NALCN: variants seen among roughly 807,000 people sequenced by gnomAD.
NALCN encodes the protein sodium leak channel NALCN.
In NALCN, 111 loss-of-function variants were observed where a neutral mutation model predicts 225.3. The ratio of observed to expected loss-of-function variants is 0.49; its 90% CI spans 0.42 to 0.58. The LOEUF (loss-of-function observed/expected upper bound fraction) is 0.58. Among genes scored for constraint, NALCN ranks in the 20% least tolerant of loss-of-function variants. The pLI, the probability that NALCN is intolerant of heterozygous loss-of-function variation, is 0.00. For missense variants in NALCN, 1,378 were observed against 2,202.4 expected (o/e 0.63, Z 7.49); for synonymous variants, 764 against 769.0 (o/e 0.99, Z 0.11).
intron 30 of NALCN, among the ~76,000 whole-genome samples, chr13:101,085,775 T>G (rs950188120): frequency 8.5e-5 from 13 of 152,182 alleles, no homozygotes; most frequent in African/African-American, 2.9e-4. Context: ...AAAAATGGTT[T>G]AAATTTTGCT....
At chr13:101,397,559 A>G (rs2047349295) in intron 2 of NALCN, among the ~76,000 whole-genome samples, 1 of 151,298 alleles carries the variant, frequency 6.6e-6, no homozygotes, top group African/African-American at 2.4e-5. Flanking sequence ...ATATGCATAT[A>G]TGTTAACACA....
chr13:101,073,541 C>G (rs761904759), intron 37 of NALCN, 43 bp downstream of exon 37: 1 of 1,505,314 alleles, frequency 6.6e-7, no homozygotes, highest in African/African-American at 1.4e-5. Flanking sequence ...GAGTTTCATG[C>G]TGATTCTAAG....
Position 101,261,215 on chromosome 13 carries a change from G to A in NALCN, c.1135-2641C>T, listed in dbSNP as rs191025473. Among the ~76,000 whole-genome samples, 147 of 152,184 alleles carry A rather than the reference G, an allele frequency of 9.7e-4. 1 individual carries two copies. The highest frequency in any genetic ancestry group is 6.8e-3 in the Middle Eastern group (2 of 294). On this transcript the variant is annotated intron_variant, in intron 10 of 43. Coordinates refer to ENST00000251127, the MANE Select transcript of NALCN (RefSeq NM_052867.4). ...TCTGGGTTCTCTATTCTGTTTCGTT[G>A]GTCTATGTGTCTGTTTTTATGGCAG...
intron 34 of NALCN, among the ~76,000 whole-genome samples, chr13:101,076,622 G>A (rs1372672141): frequency 2.0e-5 from 3 of 152,176 alleles, no homozygotes; most frequent in Admixed American, 6.5e-5. Flanking sequence ...TGGGCCCCGC[G>A]AAGGGGGTCC....
chr13:101,130,274 TAC>T (rs2036451983), intron 17 of NALCN, among the ~76,000 whole-genome samples: 1 of 152,160 alleles, frequency 6.6e-6, no homozygotes, highest in Non-Finnish European at 1.5e-5. Context: ...AGAATGAAAA[TAC>T]ACAACCAAGA....
chr13:101,342,998 A>G lies in NALCN; in HGVS notation c.799+2268T>C, dbSNP rs970424756. 5.3e-5 allele frequency among the ~76,000 whole-genome samples: 8 copies of G among 152,182 alleles called. No individual in the cohort carries two copies. In the East Asian group the frequency reaches 5.8e-4, roughly 11 times the overall value. ...GAAATGGGCTCCTTTTTAACTAACC[A>G]TAATTACTTACATATTCAAGTATAT... On this transcript the variant is annotated intron_variant, in intron 7 of 43. Transcript: ENST00000251127.
chr13:101,187,052 C>T (rs889983080), intron 14 of NALCN, among the ~76,000 whole-genome samples: 2 of 151,946 alleles, frequency 1.3e-5, no homozygotes, highest in Non-Finnish European at 2.9e-5. Flanking sequence ...TACAGTAGGC[C>T]CCCCCCTTAT....
intron 6 of NALCN, among the ~76,000 whole-genome samples, chr13:101,374,553 C>T (rs1211256839): frequency 6.6e-6 from 1 of 152,050 alleles, no homozygotes; most frequent in African/African-American, 2.4e-5. Context: ...TCCTAAAGTG[C>T]TGAGATTACA....
rs1455015680 is a variant in NALCN, at chr13:101,065,434, C to T, written c.4574G>A (p.Gly1525Asp). 6.2e-7 allele frequency: 1 copy of T among 1,614,178 alleles called. No homozygotes were observed. Residue 1525 changes from glycine (G) to aspartate (D), a missense_variant, in exon 40 of 44, where the codon GGC becomes GAC. Gly to Asp is a moderately conservative substitution (Grantham distance 94). This residue lies in a region of NALCN where 94 missense variants were observed against 170.3 expected (regional missense o/e 0.55). Transcript: ENST00000251127. ...MCYEMERLHN[G>D]GDVTFHDVLS... ...GACATCATGGAAGGTGACGTCGCCGCCATTGTGGAGCCTCTCCATTTCGTA... is the reference window on the plus strand; with the variant it reads ...GACATCATGGAAGGTGACGTCGCCGTCATTGTGGAGCCTCTCCATTTCGTA...
At chr13:101,283,128 C>T (rs748140736) in intron 10 of NALCN, among the ~76,000 whole-genome samples, 9 of 152,230 alleles carry the variant, frequency 5.9e-5, no homozygotes, top group South Asian at 2.1e-4. Context: ...ATCAATTCTC[C>T]GGTCCTACGA....
At chr13:101,334,406 G>T in intron 7 of NALCN, among the ~76,000 whole-genome samples, 1 of 152,132 alleles carries the variant, frequency 6.6e-6, no homozygotes, top group African/African-American at 2.4e-5. Context: ...AGAATGGGAT[G>T]AACACATACA....
intron 14 of NALCN, among the ~76,000 whole-genome samples, chr13:101,185,793 T>C (rs2039424923): frequency 6.6e-6 from 1 of 152,254 alleles, no homozygotes; most frequent in Admixed American, 6.5e-5. Flanking sequence ...GGCACATGCC[T>C]GTCCCTGGGA....
intron 15 of NALCN, 80 bp from the exon 16 acceptor site, chr13:101,144,976 T>A (rs1303446462): frequency 2.1e-5 from 30 of 1,435,110 alleles, no homozygotes; most frequent in Non-Finnish European, 2.7e-5. Context: ...AGTTTTAGAA[T>A]GGAAGCAATA....
chr13:101,186,485 G>A (rs2039452388), intron 14 of NALCN, among the ~76,000 whole-genome samples: 1 of 152,126 alleles, frequency 6.6e-6, no homozygotes, highest in African/African-American at 2.4e-5. Context: ...AGGGTACAAA[G>A]GAAAAGAGAA....
chr13:101,318,948 A>G (rs2044650700), intron 7 of NALCN, among the ~76,000 whole-genome samples: 1 of 152,210 alleles, frequency 6.6e-6, no homozygotes, highest in African/African-American at 2.4e-5. Flanking sequence ...AAACCTGGAC[A>G]AAAGAAATAA....
In NALCN at chr13:101,054,032, T is replaced by G. The variant is rs570936326; in HGVS notation, c.*1263A>C. On this transcript the variant is annotated 3_prime_UTR_variant, in exon 44 of 44. Coordinates refer to ENST00000251127, the MANE Select transcript of NALCN (RefSeq NM_052867.4). ...ATAAAACAACCTGGAGGTCACAGGATTCTGAGATAATCCCTCTGTTAAAAA... is the reference window on the plus strand; with the variant it reads ...ATAAAACAACCTGGAGGTCACAGGAGTCTGAGATAATCCCTCTGTTAAAAA... 1.3e-5 allele frequency: 2 copies of G among 152,264 alleles called. No homozygotes were observed. Among genetic ancestry groups the G allele is most frequent in the East Asian group, 3.9e-4 (2 of 5,188 alleles). 9.4% of individuals were successfully genotyped at this position (152,264 alleles called of 1,614,324 possible).
intron 10 of NALCN, among the ~76,000 whole-genome samples, chr13:101,275,813 T>C (rs2042950900): frequency 6.6e-6 from 1 of 151,632 alleles, no homozygotes; most frequent in Admixed American, 6.6e-5. Context: ...GTCCCCACAG[T>C]ATGGACCAAA....
At chr13:101,062,178 G>T in intron 40 of NALCN, 60 bp from the exon 41 acceptor site, 2 of 1,575,122 alleles carry the variant, frequency 1.3e-6, no homozygotes. Context: ...TACACCCTTA[G>T]ATACGTCAAA....
At chr13:101,389,464 C>T (rs1284322594) in intron 3 of NALCN, among the ~76,000 whole-genome samples, 1 of 152,194 alleles carries the variant, frequency 6.6e-6, no homozygotes, top group African/African-American at 2.4e-5. Flanking sequence ...CCAACAAAAA[C>T]CCTTTCCAGA....
Sources: gnomAD v4.1 joint callset for allele counts (sites outside exome capture counted in the v4.1 genomes callset) on GRCh38, gnomAD v4.1.1 for gene constraint, gnomAD v4.1.1 regional missense constraint, MANE v1.5 for transcripts, NCBI Gene and HGNC (gene_info 2026-07-23, HGNC 2026-07-21) for gene names.